RASSF3: variants seen among roughly 807,000 people sequenced by gnomAD.
The protein encoded by RASSF3 is ras association domain-containing protein 3.
RASSF3 carries 19 observed loss-of-function variants against 19.9 expected under a neutral mutation model. That is an observed-to-expected ratio of 0.96 (90% CI 0.67 to 1.40). The LOEUF (loss-of-function observed/expected upper bound fraction) is 1.40. RASSF3 is among the 40% of genes most tolerant of loss of function. The pLI is 0.00. For synonymous variants in RASSF3, 110 were observed against 104.2 expected (o/e 1.06, Z -0.34); for missense variants, 306 against 289.8 (o/e 1.06, Z -0.41).
At chr12:64,672,548 G>A (rs1216830696) in intron 1 of RASSF3, among the ~76,000 whole-genome samples, 1 of 152,012 alleles carries the variant, frequency 6.6e-6, no homozygotes, top group Admixed American at 6.6e-5. Context: ...TTGAGAGATA[G>A]GATCTTGCTC....
intron 2 of RASSF3, among the ~76,000 whole-genome samples, chr12:64,596,671 T>C (rs1360164826): frequency 1.3e-5 from 2 of 152,200 alleles, no homozygotes; most frequent in Non-Finnish European, 2.9e-5. Context: ...CTTCATGTCA[T>C]GCCCTGACTC....
At chr12:64,661,279 G>A (rs1195877085) in intron 1 of RASSF3, among the ~76,000 whole-genome samples, 1 of 152,204 alleles carries the variant, frequency 6.6e-6, no homozygotes. Context: ...GGCCAAGGCG[G>A]GAGGATCACT....
intron 1 of RASSF3, among the ~76,000 whole-genome samples, chr12:64,669,699 A>G (rs1173050995): frequency 6.6e-6 from 1 of 151,574 alleles, no homozygotes; most frequent in Non-Finnish European, 1.5e-5. Context: ...GACCACGGCC[A>G]GGGTTGGGAG....
chr12:64,520,545 C>CAT (rs1868451535), intron 1 of RASSF3, among the ~76,000 whole-genome samples: 1 of 82,620 alleles, frequency 1.2e-5, no homozygotes, highest in African/African-American at 4.3e-5. Context: ...CACAGATACA[C>CAT]ACATACACAC....
intron 1 of RASSF3, among the ~76,000 whole-genome samples, chr12:64,660,006 GTA>G (rs10680087): frequency 1.4e-4 from 17 of 125,752 alleles, no homozygotes; most frequent in Non-Finnish European, 2.0e-4. Context: ...ATGTGTGCGT[GTA>G]TATATATGTG....
chr12:64,668,791 C>A (rs939384568), intron 1 of RASSF3, among the ~76,000 whole-genome samples: 5 of 150,560 alleles, frequency 3.3e-5, no homozygotes, highest in African/African-American at 1.2e-4. Context: ...ACGCCATTCT[C>A]CTGCCTCAGC....
At position 64,649,467 on chromosome 12, in the gene RASSF3, C is replaced by T. The variant is rs1416135971; in HGVS notation, c.112-35320C>T. ...TTGGCCTCCGAAAGTGTTGGGATTA[C>T]AGGCATGAGCCACTGCGCCTGGCCA... is the stretch of plus-strand genomic sequence containing the variant. On this transcript the variant is annotated intron_variant, in intron 1 of 4. Coordinates refer to ENST00000542104, the MANE Select transcript of RASSF3 (RefSeq NM_178169.4). Among the ~76,000 whole-genome samples the T allele has an allele frequency of 9.2e-5, 14 of 152,304 alleles. No individual in the cohort carries two copies. The East Asian group carries it at 2.7e-3, about 29-fold the overall frequency.
chr12:64,534,666 G>A (rs1169308386), intron 1 of RASSF3, among the ~76,000 whole-genome samples: 1 of 152,198 alleles, frequency 6.6e-6, no homozygotes, highest in East Asian at 1.9e-4. Context: ...GTGTGTGTAT[G>A]AGAGAGAAAG....
At chr12:64,611,924 G>C (rs1870380321) in intron 1 of RASSF3, among the ~76,000 whole-genome samples, 1 of 152,128 alleles carries the variant, frequency 6.6e-6, no homozygotes, top group Non-Finnish European at 1.5e-5. Context: ...GAGAGGAGAC[G>C]GTGAAGGGTA....
At chr12:64,640,706 A>G (rs1871485337) in intron 1 of RASSF3, among the ~76,000 whole-genome samples, 1 of 152,050 alleles carries the variant, frequency 6.6e-6, no homozygotes, top group Non-Finnish European at 1.5e-5. Flanking sequence ...GCAGTGGTGC[A>G]GTCATGGCTC....
intron 2 of RASSF3, among the ~76,000 whole-genome samples, chr12:64,554,553 C>G (rs1267520390): frequency 6.6e-6 from 1 of 152,160 alleles, no homozygotes; most frequent in Admixed American, 6.6e-5. Flanking sequence ...GATCCACCCA[C>G]CTTGGCTTCC....
At chr12:64,545,563 G>A (rs1869038783), downstream of RASSF3, among the ~76,000 whole-genome samples, 1 of 152,172 alleles carries the variant, frequency 6.6e-6, no homozygotes, top group South Asian at 2.1e-4. Context: ...TAAAGATCAC[G>A]TGAAAGGCGG....
intron 1 of RASSF3, among the ~76,000 whole-genome samples, chr12:64,641,709 C>T (rs1331067536): frequency 3.4e-5 from 5 of 148,716 alleles, no homozygotes; most frequent in African/African-American, 1.2e-4. Flanking sequence ...ATTTCTTTAG[C>T]TATTTAGCAC....
intron 2 of RASSF3, among the ~76,000 whole-genome samples, chr12:64,573,129 G>A (rs1373766445): frequency 6.6e-6 from 1 of 152,138 alleles, no homozygotes; most frequent in Non-Finnish European, 1.5e-5. Flanking sequence ...GAGGTGGGAG[G>A]ATCACTTGAG....
At chr12:64,545,117 C>A (rs1869031866), downstream of RASSF3, among the ~76,000 whole-genome samples, 1 of 152,058 alleles carries the variant, frequency 6.6e-6, no homozygotes, top group South Asian at 2.1e-4. Flanking sequence ...GTTGTACTAG[C>A]CTTTAAATTA....
At chr12:64,584,406 A>C (rs566542786) in intron 2 of RASSF3, among the ~76,000 whole-genome samples, 3 of 149,994 alleles carry the variant, frequency 2.0e-5, no homozygotes, top group East Asian at 3.9e-4. Context: ...GAGATCTCCT[A>C]TCACCCTTGT....
chr12:64,647,397 G>T (rs898028555), intron 1 of RASSF3, among the ~76,000 whole-genome samples: 121 of 150,188 alleles, frequency 8.1e-4, no homozygotes, highest in African/African-American at 2.7e-3. Flanking sequence ...CACCATGCTC[G>T]GCTAATTTTT....
intron 1 of RASSF3, among the ~76,000 whole-genome samples, chr12:64,637,375 T>A (rs549768175): frequency 6.6e-6 from 1 of 152,196 alleles, no homozygotes; most frequent in East Asian, 1.9e-4. Flanking sequence ...TTTATAGACT[T>A]CTAGGGATTG....
At chr12:64,572,295 A>T (rs1041074683) in intron 2 of RASSF3, among the ~76,000 whole-genome samples, 1 of 152,272 alleles carries the variant, frequency 6.6e-6, no homozygotes, top group Admixed American at 6.5e-5. Context: ...TCATGATAGG[A>T]TTAGTGCCCT....
Sources: allele counts gnomAD v4.1 joint callset (sites outside exome capture counted in the v4.1 genomes callset), GRCh38; gene constraint gnomAD v4.1.1; transcripts MANE v1.5; gene names NCBI Gene and HGNC (gene_info 2026-07-23, HGNC 2026-07-21).